The following MACROD2 variants were observed in gnomAD, a reference collection of about 807,000 sequenced individuals.
MACROD2 encodes ADP-ribose glycohydrolase MACROD2.
In MACROD2, 36 loss-of-function variants were observed where a neutral mutation model predicts 70.4. That is an observed-to-expected ratio of 0.51 (90% CI 0.39 to 0.68). MACROD2 has a LOEUF of 0.68. MACROD2 is among the 30% of genes least tolerant of loss of function. The pLI is 0.00. For synonymous variants in MACROD2, 172 were observed against 178.8 expected, an observed-to-expected ratio of 0.96 and a Z score of 0.30; for missense variants, 496 against 538.4, an observed-to-expected ratio of 0.92 and a Z score of 0.78.
At position 15,230,392 on chromosome 20, in the gene MACROD2, A is replaced by G. The variant is rs569718580; in HGVS notation, c.540+331A>G. ...AGCAGATTTAAAGAAGGAAAATAGCAAGTGCTGAGTTTGTTATGATAGCGC... is the reference window on the plus strand; with the variant it reads ...AGCAGATTTAAAGAAGGAAAATAGCGAGTGCTGAGTTTGTTATGATAGCGC... On this transcript the variant is annotated intron_variant, in intron 6 of 17. Transcript: ENST00000684519. 3.9e-5 allele frequency among the ~76,000 whole-genome samples: 6 copies of G among 152,304 alleles called. No homozygotes were observed. In the East Asian group the frequency reaches 9.6e-4, roughly 24 times the overall value.
At chr20:14,412,551 G>A (rs1297404462) in intron 3 of MACROD2, among the ~76,000 whole-genome samples, 1 of 152,190 alleles carries the variant, frequency 6.6e-6, no homozygotes, top group Non-Finnish European at 1.5e-5. Context: ...GTAATGGTGA[G>A]AAGTGTAAAC....
At chr20:14,407,101 A>T (rs2083698316) in intron 3 of MACROD2, among the ~76,000 whole-genome samples, 1 of 123,022 alleles carries the variant, frequency 8.1e-6, no homozygotes, top group African/African-American at 3.1e-5. Flanking sequence ...AGATCTAGTG[A>T]TATTACTCTA....
chr20:15,967,766 C>A, intron 13 of MACROD2, 136 bp downstream of exon 13: 2 of 633,768 alleles, frequency 3.2e-6, no homozygotes, highest in Middle Eastern at 7.6e-4. Flanking sequence ...GCACTGAATA[C>A]CAGTTGATCA....
chr20:15,869,238 T>TATATAGGGAGAGAGAGAGAGAG, intron 9 of MACROD2, among the ~76,000 whole-genome samples: 2 of 28,290 alleles, frequency 7.1e-5, no homozygotes, highest in Non-Finnish European at 1.5e-4. Context: ...TATATATATA[T>TATATAGGGAGAGAGAGAGAGAG]AGAGAGAGAG....
chr20:14,175,324 T>C (rs544102097), intron 3 of MACROD2, among the ~76,000 whole-genome samples: 1 of 152,348 alleles, frequency 6.6e-6, no homozygotes, highest in Admixed American at 6.5e-5. Flanking sequence ...TGACTTGCAG[T>C]TCTTTCAGCT....
chr20:15,185,004 A>G (rs1409575347), intron 5 of MACROD2, among the ~76,000 whole-genome samples: 1 of 152,176 alleles, frequency 6.6e-6, no homozygotes, highest in African/African-American at 2.4e-5. Context: ...ATGGACTACT[A>G]AATACAGTGG....
rs376760607 is a variant in MACROD2 at position 15,167,556 on chromosome 20, A to G, written c.419-62384A>G. Among the ~76,000 whole-genome samples, 14 of 152,310 alleles carry G rather than the reference A, an allele frequency of 9.2e-5. No individual in the cohort carries two copies. The East Asian group carries it at 1.4e-3, about 15-fold the overall frequency. ...ACCTACTCAAAAAAATATGCTTTTT[A>G]CAATTGCTCTTCAGAGGCCTCCCCT... On this transcript the variant is annotated intron_variant, in intron 5 of 17. Coordinates refer to ENST00000684519, the MANE Select transcript of MACROD2 (RefSeq NM_001351661.2).
chr20:14,716,863 A>C (rs898790312), intron 5 of MACROD2, among the ~76,000 whole-genome samples: 1 of 152,140 alleles, frequency 6.6e-6, no homozygotes, highest in African/African-American at 2.4e-5. Context: ...TTTTTGGTGG[A>C]GGAAAGGAAC....
At chr20:15,317,462 A>C (rs911036223) in intron 6 of MACROD2, among the ~76,000 whole-genome samples, 1 of 151,342 alleles carries the variant, frequency 6.6e-6, no homozygotes, top group East Asian at 1.9e-4. Context: ...GAAGATATCT[A>C]TATCTCTGTC....
At chr20:14,280,565 G>A (rs975910770) in intron 3 of MACROD2, among the ~76,000 whole-genome samples, 1 of 152,036 alleles carries the variant, frequency 6.6e-6, no homozygotes, top group African/African-American at 2.4e-5. Flanking sequence ...AGTATAAAGG[G>A]GCCAAGAAAA....
At chr20:14,881,770 T>C (rs1030512669) in intron 5 of MACROD2, among the ~76,000 whole-genome samples, 2 of 152,036 alleles carry the variant, frequency 1.3e-5, no homozygotes, top group Non-Finnish European at 2.9e-5. Flanking sequence ...CCCCACCTTT[T>C]CCCAGAACCA....
chr20:15,063,458 A>C (rs1028174051), intron 5 of MACROD2, among the ~76,000 whole-genome samples: 6 of 152,328 alleles, frequency 3.9e-5, no homozygotes, highest in African/African-American at 1.4e-4. Context: ...AAGCCTGCCT[A>C]TCATGGAATT....
At chr20:15,069,305 A>C (rs2075601132) in intron 5 of MACROD2, among the ~76,000 whole-genome samples, 1 of 152,248 alleles carries the variant, frequency 6.6e-6, no homozygotes, top group Admixed American at 6.5e-5. Flanking sequence ...AGCAGAGCTT[A>C]AAAATTTGGA....
intron 7 of MACROD2, among the ~76,000 whole-genome samples, chr20:15,480,364 C>G (rs998715118): frequency 2.0e-5 from 3 of 152,214 alleles, no homozygotes; most frequent in Admixed American, 6.5e-5. Flanking sequence ...TTAACCAATT[C>G]TGGTTGCCTC....
intron 5 of MACROD2, among the ~76,000 whole-genome samples, chr20:15,219,956 GAAAA>G (rs11482499): frequency 2.8e-5 from 3 of 106,774 alleles, no homozygotes; most frequent in African/African-American, 6.8e-5. Flanking sequence ...ATCATCTCCT[GAAAA>G]AAAAAAAAAA....
rs150345021 is a variant in MACROD2 at position 14,159,135 on chromosome 20, G to A, written c.271+73407G>A. ...TGCCTGTAATCCCAGCTACTTGGGA[G>A]GTTGAGGCAGGAGAATCACTTGAAC... On this transcript the variant is annotated intron_variant, in intron 3 of 17. Transcript: ENST00000684519. 4.5e-3 allele frequency among the ~76,000 whole-genome samples: 692 copies of A among 152,248 alleles called. 2 individuals are homozygous for A. Among genetic ancestry groups the A allele is most frequent in the Non-Finnish European group, 7.7e-3 (524 of 68,002 alleles).
intron 5 of MACROD2, among the ~76,000 whole-genome samples, chr20:14,784,370 C>T (rs1383264874): frequency 6.6e-6 from 1 of 152,098 alleles, no homozygotes; most frequent in Non-Finnish European, 1.5e-5. Flanking sequence ...ATTTCTATTG[C>T]AGTCCTTCTC....
intron 5 of MACROD2, among the ~76,000 whole-genome samples, chr20:15,160,392 C>G (rs2076340226): frequency 6.6e-6 from 1 of 152,214 alleles, no homozygotes; most frequent in South Asian, 2.1e-4. Context: ...GTAGAAACCA[C>G]TCTATTGCAA....
At chr20:15,301,833 C>T (rs2077647201) in intron 6 of MACROD2, among the ~76,000 whole-genome samples, 1 of 152,100 alleles carries the variant, frequency 6.6e-6, no homozygotes, top group South Asian at 2.1e-4. Context: ...TTTCCCCTTC[C>T]ATCAGTTCTG....
Sources: gnomAD v4.1 joint callset for allele counts (sites outside exome capture counted in the v4.1 genomes callset) on GRCh38, gnomAD v4.1.1 for gene constraint, MANE v1.5 for transcripts, NCBI Gene and HGNC (gene_info 2026-07-23, HGNC 2026-07-21) for gene names.